The following EPB41L5 variants were observed in gnomAD, a reference collection of about 807,000 sequenced individuals.
EPB41L5 encodes the protein erythrocyte membrane protein band 4.1 like 5.
Under a neutral mutation model 106.6 loss-of-function variants are expected in EPB41L5, and 55 were observed. The ratio of observed to expected loss-of-function variants is 0.52; its 90% CI spans 0.42 to 0.65. The LOEUF is 0.65. EPB41L5 is among the 30% of genes least tolerant of loss of function. The pLI is 0.00. For missense variants in EPB41L5, 871 were observed against 882.1 expected (o/e 0.99, Z 0.16); for synonymous variants, 297 against 306.7 (o/e 0.97, Z 0.33).
chr2:120,059,101 C>T (rs1023078701), intron 3 of EPB41L5, among the ~76,000 whole-genome samples: 5 of 152,260 alleles, frequency 3.3e-5, no homozygotes, highest in Admixed American at 6.5e-5. Flanking sequence ...ATTGGCAAAG[C>T]GACAGACATG....
intron 13 of EPB41L5, 46 bp from the exon 14 acceptor site, chr2:120,093,203 C>T: frequency 2.0e-6 from 3 of 1,524,966 alleles, no homozygotes; most frequent in Non-Finnish European, 2.7e-6. Context: ...AGCAGTTTAT[C>T]ATGTAAGATG....
At chr2:120,164,992 T>G in intron 22 of EPB41L5, 82 bp downstream of exon 22, 1 of 1,054,690 alleles carries the variant, frequency 9.5e-7, no homozygotes, top group Non-Finnish European at 1.4e-6. Context: ...TTTTTCCTTT[T>G]TAATAATTCA....
intron 10 of EPB41L5, among the ~76,000 whole-genome samples, chr2:120,083,748 G>T (rs1470151376): frequency 6.6e-6 from 1 of 152,086 alleles, no homozygotes; most frequent in Non-Finnish European, 1.5e-5. Context: ...TCTCTTTGTA[G>T]GTCTCTAAGC....
At chr2:120,046,613 T>A (rs547847150) in intron 3 of EPB41L5, among the ~76,000 whole-genome samples, 5 of 152,184 alleles carry the variant, frequency 3.3e-5, no homozygotes, top group South Asian at 4.1e-4. Context: ...GTAGGTTGCC[T>A]GTTCACTCTG....
intron 2 of EPB41L5, among the ~76,000 whole-genome samples, chr2:120,024,397 T>A (rs1678163891): frequency 6.6e-6 from 1 of 152,208 alleles, no homozygotes; most frequent in Admixed American, 6.5e-5. Flanking sequence ...GAAGACTTGT[T>A]GAATTTTATC....
chr2:120,076,146 A>G (rs576216088), intron 7 of EPB41L5, among the ~76,000 whole-genome samples: 162 of 152,240 alleles, frequency 1.1e-3, no homozygotes, highest in Non-Finnish European at 1.7e-3. Context: ...GAGTACATAC[A>G]TGTTTGTGCA....
chr2:120,036,307 G>A (rs1281881361), intron 2 of EPB41L5, among the ~76,000 whole-genome samples: 1 of 152,092 alleles, frequency 6.6e-6, no homozygotes, highest in African/African-American at 2.4e-5. Flanking sequence ...TTAACCTGAG[G>A]GAGTTGTTTG....
At chr2:120,052,437 C>A (rs1434272081) in intron 3 of EPB41L5, among the ~76,000 whole-genome samples, 1 of 152,126 alleles carries the variant, frequency 6.6e-6, no homozygotes, top group Non-Finnish European at 1.5e-5. Context: ...GTCTGCTAGG[C>A]CTCACCACTA....
intron 2 of EPB41L5, among the ~76,000 whole-genome samples, chr2:120,033,402 G>A (rs1474070259): frequency 6.6e-6 from 1 of 152,060 alleles, no homozygotes; most frequent in Non-Finnish European, 1.5e-5. Flanking sequence ...ATTTTGTTAT[G>A]AGGTTGGTGC....
chr2:120,094,000 C>T (rs1393299934), intron 14 of EPB41L5, among the ~76,000 whole-genome samples: 4 of 151,812 alleles, frequency 2.6e-5, no homozygotes, highest in East Asian at 3.9e-4. Flanking sequence ...GGGTAGGGGA[C>T]GTGCAGGGCC....
intron 14 of EPB41L5, among the ~76,000 whole-genome samples, chr2:120,096,764 C>T (rs777648171): frequency 4.6e-5 from 7 of 151,750 alleles, no homozygotes; most frequent in Non-Finnish European, 8.8e-5. Context: ...CACTCTAGCC[C>T]GGGTGATAGA....
intron 3 of EPB41L5, among the ~76,000 whole-genome samples, chr2:120,071,540 T>C (rs1681868312): frequency 6.6e-6 from 1 of 152,188 alleles, no homozygotes; most frequent in Non-Finnish European, 1.5e-5. Flanking sequence ...ACTACAAGGC[T>C]ACAGTAACCA....
chr2:120,053,314 G>A (rs1029893866), intron 3 of EPB41L5, among the ~76,000 whole-genome samples: 1 of 152,156 alleles, frequency 6.6e-6, no homozygotes, highest in East Asian at 1.9e-4. Context: ...TTAGCATGAC[G>A]ATGTCATTTT....
rs764099015 is a variant in EPB41L5 at position 120,074,172 on chromosome 2, T to G, written c.401T>G (p.Leu134Arg). ...GAACCAAATAACCTTCGTGAGGAGC[T>G]AACCCGGTAAGAACACCATCTAGAA... ...SSEPNNLREELTRYLFVLQLK... is the reference protein window; with the variant it reads ...SSEPNNLREERTRYLFVLQLK... Residue 134 changes from leucine (L) to arginine (R), a missense_variant, in exon 5 of 25, where the codon CTA becomes CGA. Leu to Arg is a moderately radical substitution (Grantham distance 102). Coordinates refer to ENST00000263713, the MANE Select transcript of EPB41L5 (RefSeq NM_020909.4). 2 of 1,609,958 alleles carry G rather than the reference T, an allele frequency of 1.2e-6. No individual in the cohort carries two copies. Among genetic ancestry groups the G allele is most frequent in the Admixed American group, 3.3e-5 (2 of 59,848 alleles).
rs140592424 is a variant in EPB41L5 at position 120,085,627 on chromosome 2, C to T, written c.804-1544C>T. Among the ~76,000 whole-genome samples, 403 of 152,248 alleles carry T rather than the reference C, an allele frequency of 2.6e-3. 2 individuals are homozygous for T. Among genetic ancestry groups the T allele is most frequent in the Admixed American group, 7.2e-3 (110 of 15,298 alleles). On this transcript the variant is annotated intron_variant, in intron 10 of 24. Transcript: ENST00000263713. Reference sequence around the variant, plus strand: ...TCCGTGCTGAGAGAACCACTGCTCTCGAAGGTAGTATTTCATTTAGTTTTG... The same window carrying T: ...TCCGTGCTGAGAGAACCACTGCTCTTGAAGGTAGTATTTCATTTAGTTTTG...
intron 3 of EPB41L5, among the ~76,000 whole-genome samples, chr2:120,070,971 T>C (rs1681824573): frequency 6.6e-6 from 1 of 152,144 alleles, no homozygotes; most frequent in East Asian, 1.9e-4. Context: ...CAGCATAGTA[T>C]TGGAAGTTCT....
At chr2:120,105,664 A>G in intron 16 of EPB41L5, 1 of 985,434 alleles carries the variant, frequency 1.0e-6, no homozygotes, top group African/African-American at 1.7e-5. Flanking sequence ...CTAAATATAA[A>G]TAGATCTGTA....
intron 2 of EPB41L5, among the ~76,000 whole-genome samples, chr2:120,033,457 C>A (rs2105178976): frequency 6.6e-6 from 1 of 152,198 alleles, no homozygotes; most frequent in East Asian, 1.9e-4. Flanking sequence ...CCTGTAATCC[C>A]AGCACTTTGG....
intron 20 of EPB41L5, among the ~76,000 whole-genome samples, chr2:120,154,304 A>AT (rs939514027): frequency 6.6e-6 from 1 of 151,462 alleles, no homozygotes; most frequent in South Asian, 2.1e-4. Flanking sequence ...GATCACAGGC[A>AT]TGCACCACCA....
Sources: allele counts gnomAD v4.1 joint callset (sites outside exome capture counted in the v4.1 genomes callset), GRCh38; gene constraint gnomAD v4.1.1; transcripts MANE v1.5; gene names NCBI Gene and HGNC (gene_info 2026-07-23, HGNC 2026-07-21).